Variants in MACF1 observed in about 807,000 individuals in gnomAD.
MACF1 encodes microtubule-actin cross-linking factor 1.
In MACF1, 193 loss-of-function variants were observed where a neutral mutation model predicts 854.8. The ratio of observed to expected loss-of-function variants is 0.23; its 90% CI spans 0.20 to 0.25. MACF1 has a LOEUF of 0.25. Ranked by LOEUF, MACF1 falls within the 10% of genes least tolerant of loss-of-function variation. MACF1 has a pLI of 1.00. For missense variants in MACF1, 7,722 were observed against 8,929.1 expected (o/e 0.86, Z 5.45); for synonymous variants, 3,185 against 3,226.7 (o/e 0.99, Z 0.44).
intron 6 of MACF1, chr1:39,268,907 T>C (rs1427587378): frequency 7.8e-7 from 1 of 1,286,730 alleles, no homozygotes; most frequent in Admixed American, 2.3e-5. Context: ...TAACAGAGAG[T>C]CTCCAAAAGG....
intron 23 of MACF1, among the ~76,000 whole-genome samples, chr1:39,305,827 G>A (rs1001839878): frequency 4.6e-5 from 7 of 152,182 alleles, no homozygotes; most frequent in Admixed American, 3.3e-4. Context: ...CTTCCTGCTT[G>A]CCTCTGATAT....
At chr1:39,085,814 C>A (rs1165694932) in intron 2 of MACF1, among the ~76,000 whole-genome samples, 1 of 152,212 alleles carries the variant, frequency 6.6e-6, no homozygotes, top group African/African-American at 2.4e-5. Context: ...CCTGCCACCA[C>A]CTCTACCCCC....
chr1:39,395,898 C>G (rs1642254159), intron 58 of MACF1, among the ~76,000 whole-genome samples: 1 of 152,146 alleles, frequency 6.6e-6, no homozygotes, highest in Admixed American at 6.5e-5. Flanking sequence ...AAGCAAAATC[C>G]CAGGCTTGCA....
rs1649988283 is a variant in MACF1, at chr1:39,379,375, G to C, written c.13449G>C (p.Leu4483=). ...LQWLESKEEV[L]KSMDAMSSPT... is the part of the protein sequence containing the mutation. ...GGCTGGAATCAAAAGAGGAAGTCCT[G>C]AAATCCATGGATGCCATGTCATCTC... The change falls in exon 54 of 101, where the codon CTG becomes CTC. Residue 4483 remains leucine, a synonymous_variant. Transcript: ENST00000564288. 2 of 1,613,998 alleles carry C rather than the reference G, an allele frequency of 1.2e-6. No homozygotes were observed. Among genetic ancestry groups the C allele is most frequent in the African/African-American group, 2.7e-5 (2 of 74,916 alleles).
At chr1:39,349,680 T>A in intron 42 of MACF1, 53 bp downstream of exon 42, 1 of 1,573,014 alleles carries the variant, frequency 6.4e-7, no homozygotes, top group South Asian at 1.2e-5. Context: ...TCGCTTAGGC[T>A]GGAGTACAGT....
intron 2 of MACF1, among the ~76,000 whole-genome samples, chr1:39,108,412 A>C (rs1642302516): frequency 6.6e-6 from 1 of 152,106 alleles, no homozygotes; most frequent in Non-Finnish European, 1.5e-5. Flanking sequence ...TACTGTGATA[A>C]GTGCTAGAAC....
chr1:39,119,484 A>T (rs1365095126), intron 2 of MACF1, among the ~76,000 whole-genome samples: 1 of 151,990 alleles, frequency 6.6e-6, no homozygotes, highest in Admixed American at 6.6e-5. Flanking sequence ...CTGTATTGTG[A>T]TCTCTTTGAA....
rs770285305 is a variant in MACF1 at position 39,435,573 on chromosome 1, A to T, written c.17800A>T (p.Ile5934Phe). Residue 5934 changes from isoleucine (I) to phenylalanine (F), a missense_variant, in exon 70 of 101, where the codon ATT becomes TTT. Ile to Phe is a conservative substitution (Grantham distance 21). Around this residue, in one of 15 missense-constraint regions of MACF1, gnomAD observed 2,807 missense variants for 3,235.8 expected, o/e 0.87. Transcript: ENST00000564288. ...TTTTACCTAGCAATTAAGGGAATCT[A>T]TTGCTGAACACAAACCTCATATTGA... Reference protein sequence around the residue: ...QEEMRQLRESIAEHKPHIDKL... With the variant: ...QEEMRQLRESFAEHKPHIDKL... 3 of 1,613,908 alleles carry T rather than the reference A, an allele frequency of 1.9e-6. No homozygotes were observed. The highest frequency in any genetic ancestry group is 1.1e-5 in the South Asian group (1 of 91,042).
At chr1:39,138,072 CAAAAAAA>C (rs1213606775) in intron 2 of MACF1, among the ~76,000 whole-genome samples, 1 of 50,328 alleles carries the variant, frequency 2.0e-5, no homozygotes, top group Non-Finnish European at 4.1e-5. Flanking sequence ...GACTCCATCT[CAAAAAAA>C]AAAAAAAAAA....
chr1:39,334,082 G>A lies in MACF1; in HGVS notation c.7494G>A (p.Leu2498=), dbSNP rs146571780. 1.9e-6 allele frequency: 3 copies of A among 1,614,040 alleles called. No homozygotes were observed. In the African/African-American group the frequency reaches 4.0e-5, roughly 22 times the overall value. Residue 2498 remains leucine (L), a synonymous_variant, in exon 37 of 101, where the codon TTG becomes TTA. Coordinates refer to ENST00000564288, the MANE Select transcript of MACF1 (RefSeq NM_001394062.1). ...AGAGAGAGGAGGCCGTTCGTTTGTT[G>A]ACTAAGCAAGTGGTAGATGGAGGTA... ...LLEREEAVRL[L]TKQVVDGGII...
At chr1:39,452,496 A>G (rs955613050) in intron 86 of MACF1, 146 bp downstream of exon 86, 12 of 1,113,022 alleles carry the variant, frequency 1.1e-5, no homozygotes, top group African/African-American at 9.4e-5. Context: ...TAAAATTTTA[A>G]TATTCATTTT....
intron 6 of MACF1, chr1:39,268,817 C>G (rs756663298): frequency 6.2e-6 from 8 of 1,289,624 alleles, no homozygotes; most frequent in South Asian, 4.9e-5. Flanking sequence ...GGAAGAAAAT[C>G]CCTACTCCAG....
chr1:39,356,339 G>A (rs1647562754), intron 44 of MACF1, among the ~76,000 whole-genome samples: 1 of 151,668 alleles, frequency 6.6e-6, no homozygotes, highest in African/African-American at 2.4e-5. Context: ...AGTCTTCATG[G>A]ACACATGAGT....
At chr1:39,315,240 A>G (rs942011846) in intron 26 of MACF1, among the ~76,000 whole-genome samples, 5 of 152,040 alleles carry the variant, frequency 3.3e-5, no homozygotes, top group Non-Finnish European at 7.4e-5. Flanking sequence ...CTTCTTTTAT[A>G]TACAAAATAT....
intron 84 of MACF1, 30 bp from the exon 85 acceptor site, chr1:39,451,022 A>C: frequency 6.2e-7 from 1 of 1,605,260 alleles, no homozygotes; most frequent in Non-Finnish European, 8.5e-7. Flanking sequence ...GGAATCCCTA[A>C]AAATGGTAGC....
intron 44 of MACF1, among the ~76,000 whole-genome samples, chr1:39,356,517 C>T (rs1647585542): frequency 6.6e-6 from 1 of 152,052 alleles, no homozygotes; most frequent in Admixed American, 6.6e-5. Context: ...GGATTACAGG[C>T]ACTTGCCACC....
At chr1:39,458,586 T>C (rs1422816029) in intron 90 of MACF1, 96 bp downstream of exon 90, 3 of 1,451,856 alleles carry the variant, frequency 2.1e-6, no homozygotes, top group Non-Finnish European at 2.8e-6. Context: ...TATTCCATTT[T>C]CAAAAACCGT....
chr1:39,388,353 G>A lies in MACF1; in HGVS notation c.15511G>A (p.Val5171Ile), dbSNP rs760712619. 26 of 1,614,018 alleles carry A rather than the reference G, an allele frequency of 1.6e-5. 1 individual carries two copies. The highest frequency in any genetic ancestry group is 3.3e-4 in the Middle Eastern group (2 of 6,084). The part of the protein sequence containing the change: ...DVRLFLNKIH[V>I]LKLDIEASEA... ...CCGGCTATTCCTTAACAAAATTCACGTCCTCAAATTAGACATAGAGGCCTC... is the reference window on the plus strand; with the variant it reads ...CCGGCTATTCCTTAACAAAATTCACATCCTCAAATTAGACATAGAGGCCTC... The change falls in exon 58 of 101, where the codon GTC (valine) becomes ATC (isoleucine). Residue 5171 changes from valine to isoleucine, a missense_variant. Transcript: ENST00000564288.
rs1467821245 is a variant in MACF1, at chr1:39,248,320, TC to T, written c.172-1693del. On this transcript the variant is annotated intron_variant, in intron 2 of 100. Coordinates refer to ENST00000564288, the MANE Select transcript of MACF1 (RefSeq NM_001394062.1). Reference sequence around the variant, plus strand: ...ACTTTCTTTTTTTTTATTATTTTTTTCAGACAGGGTTAAAAAAGAAACCCCT... The same window carrying T: ...ACTTTCTTTTTTTTTATTATTTTTTTAGACAGGGTTAAAAAAGAAACCCCT... Among the ~76,000 whole-genome samples, 3 of 152,300 alleles carry T rather than the reference TC, an allele frequency of 2.0e-5. No homozygotes were observed. The South Asian group carries it at 6.2e-4, about 32-fold the overall frequency.
Sources: allele counts gnomAD v4.1 joint callset (sites outside exome capture counted in the v4.1 genomes callset), GRCh38; gene constraint gnomAD v4.1.1; regional missense constraint gnomAD v4.1.1; transcripts MANE v1.5; gene names NCBI Gene and HGNC (gene_info 2026-07-23, HGNC 2026-07-21).